Variants in RBFOX1 observed in about 807,000 individuals in gnomAD.
The protein encoded by RBFOX1 is RNA binding fox-1 homolog 1.
Under a neutral mutation model 57.7 loss-of-function variants are expected in RBFOX1, and 8 were observed. The observed-to-expected ratio is 0.14, with a 90% confidence interval of 0.08 to 0.25. The LOEUF (loss-of-function observed/expected upper bound fraction) is 0.25, where lower values mean the gene tolerates loss of function less well. RBFOX1 is among the 10% of genes least tolerant of loss of function. The probability of loss-of-function intolerance (pLI) is 1.00; values close to 1 mark genes in which losing one functional copy is unlikely to be tolerated. For synonymous variants in RBFOX1, 326 were observed against 222.4 expected (o/e 1.47, Z -4.15); for missense variants, 611 against 548.5 (o/e 1.11, Z -1.14).
chr16:6,365,031 A>G (rs2089314114), intron 2 of RBFOX1, among the ~76,000 whole-genome samples: 1 of 152,192 alleles, frequency 6.6e-6, no homozygotes, highest in South Asian at 2.1e-4. Flanking sequence ...AGCATCTCAC[A>G]GGGAGAGGTC....
At chr16:6,558,648 A>T (rs1299972152) in intron 2 of RBFOX1, among the ~76,000 whole-genome samples, 1 of 152,086 alleles carries the variant, frequency 6.6e-6, no homozygotes, top group African/African-American at 2.4e-5. Context: ...TGTCCCTTAT[A>T]ACCAAAGATG....
chr16:6,905,018 G>C (rs879795133), intron 3 of RBFOX1, among the ~76,000 whole-genome samples: 5 of 152,110 alleles, frequency 3.3e-5, no homozygotes, highest in African/African-American at 4.8e-5. Flanking sequence ...CATGGTAAAA[G>C]AGTTAGAGGA....
At chr16:5,561,286 C>T (rs1360918926) in intron 2 of RBFOX1, among the ~76,000 whole-genome samples, 2 of 151,944 alleles carry the variant, frequency 1.3e-5, no homozygotes, top group African/African-American at 4.8e-5. Flanking sequence ...TGAATGAGGA[C>T]CTATAATTAG....
intron 4 of RBFOX1, among the ~76,000 whole-genome samples, chr16:7,381,506 C>CT (rs1194917348): frequency 0.025 from 3,710 of 148,128 alleles, 151 homozygotes; most frequent in African/African-American, 0.085. Flanking sequence ...TCCCCCCCGC[C>CT]TTTTTTTTTT....
intron 2 of RBFOX1, among the ~76,000 whole-genome samples, chr16:5,506,333 C>G (rs1255686484): frequency 1.3e-5 from 2 of 152,166 alleles, no homozygotes; most frequent in African/African-American, 4.8e-5. Context: ...GCGGATAGCT[C>G]CTCACAGGTC....
intron 3 of RBFOX1, among the ~76,000 whole-genome samples, chr16:6,750,381 A>T (rs965505526): frequency 6.6e-6 from 1 of 152,216 alleles, no homozygotes; most frequent in African/African-American, 2.4e-5. Context: ...CTTAATTGCA[A>T]CTGGGCTTAA....
At chr16:5,658,036 T>G (rs1208259676) in intron 3 of RBFOX1, among the ~76,000 whole-genome samples, 1 of 152,018 alleles carries the variant, frequency 6.6e-6, no homozygotes, top group Non-Finnish European at 1.5e-5. Context: ...CCAGCTAAGG[T>G]CTGCAAATTC....
intron 4 of RBFOX1, among the ~76,000 whole-genome samples, chr16:7,167,511 C>G (rs962656834): frequency 6.6e-6 from 1 of 152,108 alleles, no homozygotes. Context: ...CTGGAAGGAA[C>G]AAGAAAGACC....
At chr16:6,758,534 TATC>T (rs1252626761) in intron 3 of RBFOX1, among the ~76,000 whole-genome samples, 2 of 152,054 alleles carry the variant, frequency 1.3e-5, no homozygotes, top group East Asian at 1.9e-4. Context: ...GCAATTTAAA[TATC>T]ATTCAAAACA....
At chr16:7,328,569 A>G (rs9927966) in intron 4 of RBFOX1, 32,822 of 151,200 alleles carry the variant, frequency 0.22, 3,827 homozygotes, top group African/African-American at 0.28. Context: ...GAACAGGAAA[A>G]GAGGAGTTAA....
At chr16:5,507,086 C>G (rs910420813) in intron 2 of RBFOX1, among the ~76,000 whole-genome samples, 1 of 152,072 alleles carries the variant, frequency 6.6e-6, no homozygotes, top group Non-Finnish European at 1.5e-5. Flanking sequence ...TGTGCAGGCT[C>G]TCTGTGCCTC....
chr16:5,425,369 G>A (rs563395656), intron 1 of RBFOX1, among the ~76,000 whole-genome samples: 41 of 152,190 alleles, frequency 2.7e-4, no homozygotes, highest in East Asian at 7.8e-4. Flanking sequence ...CTCCCAAAGC[G>A]CTGGGATTAC....
At chr16:6,617,727 A>G (rs2098164514) in intron 2 of RBFOX1, among the ~76,000 whole-genome samples, 1 of 152,184 alleles carries the variant, frequency 6.6e-6, no homozygotes, top group South Asian at 2.1e-4. Context: ...AAGAGACAGC[A>G]TAGATATTTT....
intron 1 of RBFOX1, among the ~76,000 whole-genome samples, chr16:6,080,624 G>T (rs1436920017): frequency 6.6e-6 from 1 of 152,256 alleles, no homozygotes; most frequent in South Asian, 2.1e-4. Context: ...ACCAACTTGG[G>T]CTGAGTTGGA....
intron 1 of RBFOX1, among the ~76,000 whole-genome samples, chr16:6,184,266 A>G (rs1056061708): frequency 5.3e-5 from 8 of 152,200 alleles, no homozygotes; most frequent in African/African-American, 1.9e-4. Context: ...GCCAAACCAT[A>G]TCAGAGGATG....
At chr16:7,393,212 T>C (rs1419920424) in intron 4 of RBFOX1, among the ~76,000 whole-genome samples, 1 of 152,114 alleles carries the variant, frequency 6.6e-6, no homozygotes, top group Non-Finnish European at 1.5e-5. Context: ...ATATAGTCAA[T>C]GGTTCTGAGA....
At chr16:5,243,485 G>C (rs1031492827) in intron 1 of RBFOX1, among the ~76,000 whole-genome samples, 5 of 152,272 alleles carry the variant, frequency 3.3e-5, no homozygotes, top group Admixed American at 1.3e-4. Flanking sequence ...CACTTGGGGT[G>C]AGACCATTCG....
chr16:6,396,904 CAAATA>C (rs1395203993), intron 2 of RBFOX1, among the ~76,000 whole-genome samples: 1 of 151,836 alleles, frequency 6.6e-6, no homozygotes, highest in Non-Finnish European at 1.5e-5. Context: ...TTTAGAATTA[CAAATA>C]AAATATTTGA....
At chr16:6,023,129 A>G (rs2095116824) in intron 1 of RBFOX1, among the ~76,000 whole-genome samples, 1 of 152,142 alleles carries the variant, frequency 6.6e-6, no homozygotes, top group East Asian at 1.9e-4. Flanking sequence ...TGCTGTCCGT[A>G]GAACGTACAG....
Sources: gnomAD v4.1 joint callset for allele counts (sites outside exome capture counted in the v4.1 genomes callset) on GRCh38, gnomAD v4.1.1 for gene constraint, MANE v1.5 for transcripts, NCBI Gene and HGNC (gene_info 2026-07-23, HGNC 2026-07-21) for gene names.